PDSS2: variants seen among roughly 807,000 people sequenced by gnomAD.
PDSS2 encodes the protein all trans-polyprenyl-diphosphate synthase PDSS2.
Under a neutral mutation model 44.5 loss-of-function variants are expected in PDSS2, and 31 were observed. The observed-to-expected ratio is 0.70, with a 90% CI of 0.52 to 0.94. PDSS2 has a LOEUF of 0.94. PDSS2 is among the 40% of genes least tolerant of loss of function. The pLI, the probability that PDSS2 is intolerant of heterozygous loss-of-function variation, is 0.00. For synonymous variants in PDSS2, 157 were observed against 180.3 expected (o/e 0.87, Z 1.03); for missense variants, 452 against 482.2 (o/e 0.94, Z 0.59).
At chr6:107,238,587 G>A (rs959086818) in intron 4 of PDSS2, among the ~76,000 whole-genome samples, 1 of 152,206 alleles carries the variant, frequency 6.6e-6, no homozygotes, top group African/African-American at 2.4e-5. Context: ...AGATTTACTG[G>A]AGACTGACTT....
intron 7 of PDSS2, among the ~76,000 whole-genome samples, chr6:107,163,672 G>A (rs890706764): frequency 3.3e-5 from 5 of 151,028 alleles, no homozygotes; most frequent in African/African-American, 9.8e-5. Context: ...GCATGGTTTC[G>A]GCTCACTGAA....
At chr6:107,225,282 C>T (rs1385653062) in intron 4 of PDSS2, among the ~76,000 whole-genome samples, 2 of 146,750 alleles carry the variant, frequency 1.4e-5, no homozygotes, top group Admixed American at 6.9e-5. Flanking sequence ...ATGTGATTCT[C>T]TTGCCTCAGC....
intron 1 of PDSS2, among the ~76,000 whole-genome samples, chr6:107,418,353 C>T (rs1270333759): frequency 6.6e-6 from 1 of 152,164 alleles, no homozygotes; most frequent in Non-Finnish European, 1.5e-5. Context: ...TTGAAAAAGG[C>T]AAGGAACAGA....
intron 3 of PDSS2, among the ~76,000 whole-genome samples, chr6:107,260,993 C>A (rs1376333073): frequency 6.6e-6 from 1 of 152,032 alleles, no homozygotes; most frequent in Non-Finnish European, 1.5e-5. Flanking sequence ...TTTGCTAGAT[C>A]TCCAAAGCCA....
chr6:107,203,146 C>T (rs1484960788), intron 6 of PDSS2, among the ~76,000 whole-genome samples: 3 of 152,186 alleles, frequency 2.0e-5, no homozygotes, highest in African/African-American at 4.8e-5. Context: ...CCCAAGGCAA[C>T]GGCCATCAAC....
intron 4 of PDSS2, among the ~76,000 whole-genome samples, chr6:107,234,885 T>C (rs1366938271): frequency 1.3e-5 from 2 of 152,196 alleles, no homozygotes; most frequent in African/African-American, 2.4e-5. Flanking sequence ...AAAGTCATTA[T>C]AACATAAATT....
intron 3 of PDSS2, among the ~76,000 whole-genome samples, chr6:107,252,075 GACTTCTGAAGAAC>G (rs1774839542): frequency 6.6e-6 from 1 of 152,114 alleles, no homozygotes; most frequent in East Asian, 1.9e-4. Context: ...GTGGAGAAAC[GACTTCTGAAGAAC>G]ACAGGGCACA....
At chr6:107,454,014 C>G (rs1315202756) in intron 1 of PDSS2, among the ~76,000 whole-genome samples, 1 of 150,450 alleles carries the variant, frequency 6.6e-6, no homozygotes, top group African/African-American at 2.4e-5. Context: ...TTTGTGTCAA[C>G]TCATCAAGGG....
intron 7 of PDSS2, among the ~76,000 whole-genome samples, chr6:107,175,326 T>G (rs1771751762): frequency 6.6e-6 from 1 of 152,192 alleles, no homozygotes; most frequent in African/African-American, 2.4e-5. Context: ...TATTTTCATT[T>G]TACAAAGGAA....
intron 7 of PDSS2, among the ~76,000 whole-genome samples, chr6:107,172,472 C>T (rs1475554062): frequency 7.9e-5 from 12 of 152,140 alleles, no homozygotes; most frequent in African/African-American, 2.9e-4. Context: ...AGGAGAATCA[C>T]TTGAACCTGG....
chr6:107,327,532 A>G (rs1777585448), intron 2 of PDSS2, among the ~76,000 whole-genome samples: 1 of 152,268 alleles, frequency 6.6e-6, no homozygotes, highest in Non-Finnish European at 1.5e-5. Context: ...AACCTGGCTC[A>G]CTGCAACCTC....
chr6:107,313,386 T>C (rs1446189988), intron 2 of PDSS2, among the ~76,000 whole-genome samples: 1 of 152,218 alleles, frequency 6.6e-6, no homozygotes, highest in African/African-American at 2.4e-5. Context: ...AGAGTCTTGC[T>C]CTGTTGTCCA....
At chr6:107,377,645 A>G (rs1409231551) in intron 1 of PDSS2, among the ~76,000 whole-genome samples, 1 of 152,224 alleles carries the variant, frequency 6.6e-6, no homozygotes, top group East Asian at 1.9e-4. Context: ...CCAAATGTCC[A>G]ACAACGATAG....
intron 3 of PDSS2, among the ~76,000 whole-genome samples, chr6:107,256,147 T>C (rs1297542393): frequency 2.0e-5 from 3 of 152,098 alleles, no homozygotes; most frequent in Non-Finnish European, 4.4e-5. Flanking sequence ...CATGCCACCA[T>C]GCCCGGCTAA....
intron 2 of PDSS2, among the ~76,000 whole-genome samples, chr6:107,302,684 T>TA (rs1357163554): frequency 2.0e-5 from 3 of 152,004 alleles, no homozygotes; most frequent in African/African-American, 4.8e-5. Context: ...TGGCCTACTT[T>TA]AAAAAATATC....
At chr6:107,216,513 G>A (rs569494771) in intron 4 of PDSS2, among the ~76,000 whole-genome samples, 2 of 152,096 alleles carry the variant, frequency 1.3e-5, no homozygotes, top group East Asian at 3.9e-4. Context: ...AACAAAACCT[G>A]GGAATAAGCT....
intron 7 of PDSS2, among the ~76,000 whole-genome samples, chr6:107,155,864 C>T (rs1489913092): frequency 6.8e-6 from 1 of 147,030 alleles, no homozygotes; most frequent in Non-Finnish European, 1.5e-5. Flanking sequence ...AGGCATGAGC[C>T]ACCTTGCCCG....
At chr6:107,275,042 C>T (rs1325702318) in intron 2 of PDSS2, among the ~76,000 whole-genome samples, 1 of 152,056 alleles carries the variant, frequency 6.6e-6, no homozygotes, top group East Asian at 1.9e-4. Flanking sequence ...TGGTTTCTTC[C>T]TTCAAGGACT....
rs1304811391 is a variant in PDSS2, at chr6:107,212,261, T to A, written c.724A>T (p.Ile242Phe). ...TGCTCCTTCCAAGTCGATATTCCAA[T>A]ATCATCTGTGATATAACTTTCCTAA... ...TSKESYITDDIGISTWKEQTF... is the reference protein window; with the variant it reads ...TSKESYITDDFGISTWKEQTF... The change falls in exon 5 of 8, where the codon ATT (isoleucine) becomes TTT (phenylalanine). Residue 242 changes from isoleucine (I) to phenylalanine (F), a missense_variant. Coordinates refer to ENST00000369037, the MANE Select transcript of PDSS2 (RefSeq NM_020381.4). 1.9e-6 allele frequency: 3 copies of A among 1,613,484 alleles called. No individual in the cohort carries two copies. The South Asian group carries it at 3.3e-5, about 18-fold the overall frequency.
Sources: allele counts gnomAD v4.1 joint callset (sites outside exome capture counted in the v4.1 genomes callset), GRCh38; gene constraint gnomAD v4.1.1; transcripts MANE v1.5; gene names NCBI Gene and HGNC (gene_info 2026-07-23, HGNC 2026-07-21).